The following PPM1L variants were observed in gnomAD, a reference collection of about 807,000 sequenced individuals.
The protein encoded by PPM1L is protein phosphatase 1L.
A neutral mutation model predicts 31.4 loss-of-function variants in PPM1L; 13 were observed. The ratio of observed to expected loss-of-function variants is 0.41; its 90% CI spans 0.27 to 0.66. The LOEUF is 0.66. Among genes scored for constraint, PPM1L ranks in the 30% least tolerant of loss-of-function variants. The pLI is 0.29. For synonymous variants in PPM1L, 184 were observed against 175.4 expected, an observed-to-expected ratio of 1.05 and a Z score of -0.39; for missense variants, 326 against 453.7, an observed-to-expected ratio of 0.72 and a Z score of 2.56.
At chr3:160,932,248 A>G (rs1279847624) in intron 1 of PPM1L, among the ~76,000 whole-genome samples, 1 of 152,180 alleles carries the variant, frequency 6.6e-6, no homozygotes, top group African/African-American at 2.4e-5. Flanking sequence ...CTGTGATATA[A>G]TATCTGCTTA....
At position 161,075,541 on chromosome 3, in the gene PPM1L, G is replaced by A. The variant is rs1411909129; in HGVS notation, c.*6384G>A. The A allele has an allele frequency of 6.6e-6, 1 of 151,972 alleles. No homozygotes were observed. The highest frequency in any genetic ancestry group is 2.4e-5 in the African/African-American group (1 of 41,362). 9.4% of individuals were successfully genotyped at this position (151,972 alleles called of 1,614,324 possible). A position where few individuals can be genotyped will look rare whatever the true frequency, so the allele number is the denominator to read the frequency against. On this transcript the variant is annotated 3_prime_UTR_variant, in exon 4 of 4. Coordinates refer to ENST00000498165, the MANE Select transcript of PPM1L (RefSeq NM_139245.4). ...TTCCTTTTGTAGGACTGATGGCACG[G>A]GCAGAATCACATTTAAGAAAAATGG...
intron 1 of PPM1L, among the ~76,000 whole-genome samples, chr3:160,810,936 T>A (rs1712785649): frequency 6.6e-6 from 1 of 152,236 alleles, no homozygotes; most frequent in Non-Finnish European, 1.5e-5. Context: ...AAATATTTTC[T>A]GTAATTTCAA....
At chr3:160,775,005 A>G (rs1053113301) in intron 1 of PPM1L, among the ~76,000 whole-genome samples, 2 of 152,206 alleles carry the variant, frequency 1.3e-5, no homozygotes, top group Non-Finnish European at 1.5e-5. Flanking sequence ...TGCATTTGCT[A>G]TCACTTATGT....
intron 1 of PPM1L, among the ~76,000 whole-genome samples, chr3:160,765,330 G>T (rs887647284): frequency 6.6e-6 from 1 of 152,134 alleles, no homozygotes; most frequent in Admixed American, 6.5e-5. Context: ...TCCTAATTTG[G>T]TCAATGAAGT....
intron 1 of PPM1L, among the ~76,000 whole-genome samples, chr3:160,899,989 C>T (rs1278440837): frequency 1.3e-5 from 2 of 152,018 alleles, no homozygotes; most frequent in South Asian, 2.1e-4. Context: ...GGCTTTTTCT[C>T]ATATTCTTGG....
chr3:160,833,119 A>G (rs1466344355), intron 1 of PPM1L, among the ~76,000 whole-genome samples: 1 of 152,240 alleles, frequency 6.6e-6, no homozygotes, highest in Non-Finnish European at 1.5e-5. Context: ...TAATGGCTGC[A>G]TAGTATTCCA....
At chr3:160,982,263 C>G (rs915855021) in intron 2 of PPM1L, among the ~76,000 whole-genome samples, 1 of 152,156 alleles carries the variant, frequency 6.6e-6, no homozygotes, top group Admixed American at 6.6e-5. Flanking sequence ...ACTTCTGACT[C>G]CTCTAATTCA....
intron 1 of PPM1L, among the ~76,000 whole-genome samples, chr3:160,791,917 G>T (rs1560108175): frequency 6.6e-6 from 1 of 152,100 alleles, no homozygotes; most frequent in Non-Finnish European, 1.5e-5. Context: ...GAGAAGGATG[G>T]AACTGTTTAG....
intron 1 of PPM1L, among the ~76,000 whole-genome samples, chr3:160,801,310 C>T (rs17826370): frequency 0.049 from 7,444 of 152,122 alleles, 205 homozygotes; most frequent in East Asian, 0.072. Context: ...TCAGCCTTTC[C>T]TGAATACGAA....
intron 2 of PPM1L, among the ~76,000 whole-genome samples, chr3:160,985,059 A>G (rs1716921118): frequency 6.6e-6 from 1 of 152,134 alleles, no homozygotes; most frequent in Non-Finnish European, 1.5e-5. Context: ...ATAGTTTTCA[A>G]CCTTTGTAGC....
Position 161,074,845 on chromosome 3 carries a change from T to C in PPM1L, c.*5688T>C, listed in dbSNP as rs1720051487. The C allele has an allele frequency of 6.6e-6, 1 of 152,168 alleles. No homozygotes were observed. The allele number at this position is 152,168 out of a possible 1,614,324, so 9.4% of individuals were successfully genotyped here. ...AAATCATCACAGACAGTTTCCCTGT[T>C]CAAAGCTCCACCAAAAAGCAAGCAT... On this transcript the variant is annotated 3_prime_UTR_variant, in exon 4 of 4. Coordinates refer to ENST00000498165, the MANE Select transcript of PPM1L (RefSeq NM_139245.4).
At chr3:160,768,532 C>T (rs1377749501) in intron 1 of PPM1L, among the ~76,000 whole-genome samples, 1 of 152,080 alleles carries the variant, frequency 6.6e-6, no homozygotes, top group African/African-American at 2.4e-5. Flanking sequence ...GTACTCATCT[C>T]AAGAAGGGAA....
chr3:160,759,196 G>A (rs1485428987), intron 1 of PPM1L, among the ~76,000 whole-genome samples: 1 of 152,116 alleles, frequency 6.6e-6, no homozygotes, highest in Non-Finnish European at 1.5e-5. Context: ...AGAAGAGGAA[G>A]CTTTTTCTGA....
At chr3:160,850,885 G>GA (rs71147387) in intron 1 of PPM1L, among the ~76,000 whole-genome samples, 1 of 59,906 alleles carries the variant, frequency 1.7e-5, no homozygotes, top group Non-Finnish European at 4.9e-5. Context: ...TTTTTTTGGT[G>GA]GGGGGGGGGT....
intron 1 of PPM1L, among the ~76,000 whole-genome samples, chr3:160,910,013 G>A (rs1338033211): frequency 6.6e-6 from 1 of 152,140 alleles, no homozygotes; most frequent in Non-Finnish European, 1.5e-5. Context: ...TTCTTGTCAT[G>A]ATAGGTCTTG....
intron 1 of PPM1L, among the ~76,000 whole-genome samples, chr3:160,758,927 C>T (rs1714889492): frequency 6.6e-6 from 1 of 152,108 alleles, no homozygotes. Context: ...TGTTCATAAT[C>T]CCTTATCGTA....
chr3:160,993,919 C>T (rs1244310547), intron 2 of PPM1L, among the ~76,000 whole-genome samples: 2 of 152,070 alleles, frequency 1.3e-5, no homozygotes, highest in East Asian at 1.9e-4. Context: ...AAAGCCTGCT[C>T]TCTCCCCAAC....
At chr3:160,780,569 C>T (rs1419633043) in intron 1 of PPM1L, among the ~76,000 whole-genome samples, 1 of 152,184 alleles carries the variant, frequency 6.6e-6, no homozygotes, top group Non-Finnish European at 1.5e-5. Flanking sequence ...ATAGCTATTA[C>T]TCTAGTTCAG....
intron 1 of PPM1L, among the ~76,000 whole-genome samples, chr3:160,915,380 T>A (rs1223500103): frequency 6.6e-6 from 1 of 152,092 alleles, no homozygotes; most frequent in African/African-American, 2.4e-5. Flanking sequence ...CAAGGAGAAC[T>A]ACAAACCACT....
Sources: allele counts gnomAD v4.1 joint callset (sites outside exome capture counted in the v4.1 genomes callset), GRCh38; gene constraint gnomAD v4.1.1; transcripts MANE v1.5; gene names NCBI Gene and HGNC (gene_info 2026-07-23, HGNC 2026-07-21).